RAD51B: variants seen among roughly 807,000 people sequenced by gnomAD.
RAD51B encodes the protein DNA repair protein RAD51 homolog 2.
In RAD51B, 38 loss-of-function variants were observed where a neutral mutation model predicts 42.2. The observed-to-expected ratio is 0.90, with a 90% CI of 0.70 to 1.18. The LOEUF is 1.18. Among genes scored for constraint, RAD51B ranks in the 50% most tolerant of loss-of-function variants. The pLI is 0.00. For synonymous variants in RAD51B, 154 were observed against 145.2 expected, an observed-to-expected ratio of 1.06 and a Z score of -0.43; for missense variants, 373 against 400.7, an observed-to-expected ratio of 0.93 and a Z score of 0.59.
intron 8 of RAD51B, among the ~76,000 whole-genome samples, chr14:68,362,750 G>A (rs1435964241): frequency 6.6e-6 from 1 of 152,138 alleles, no homozygotes; most frequent in African/African-American, 2.4e-5. Context: ...TCAGGAGGCT[G>A]AGGCAAGAGA....
chr14:67,951,248 G>C (rs988068655), intron 7 of RAD51B, among the ~76,000 whole-genome samples: 1 of 152,130 alleles, frequency 6.6e-6, no homozygotes, highest in Non-Finnish European at 1.5e-5. Flanking sequence ...GTTGGTGCCT[G>C]TAGTTTTGTA....
intron 7 of RAD51B, among the ~76,000 whole-genome samples, chr14:67,943,352 T>A (rs1408849269): frequency 6.6e-6 from 1 of 152,180 alleles, no homozygotes; most frequent in Non-Finnish European, 1.5e-5. Context: ...TCCCTAAATA[T>A]ACACTTAGGG....
At chr14:68,625,156 AG>A (rs1231690801) in intron 10 of RAD51B, among the ~76,000 whole-genome samples, 2 of 152,172 alleles carry the variant, frequency 1.3e-5, no homozygotes, top group Non-Finnish European at 2.9e-5. Context: ...TGGGAATTCC[AG>A]GTCTTTCACA....
intron 7 of RAD51B, among the ~76,000 whole-genome samples, chr14:68,087,870 T>TA (rs2077011894): frequency 2.5e-5 from 2 of 81,318 alleles, no homozygotes; most frequent in African/African-American, 1.4e-4. Flanking sequence ...TTATATAATA[T>TA]ATTATTTATA....
intron 9 of RAD51B, among the ~76,000 whole-genome samples, chr14:68,455,558 A>C (rs555378233): frequency 6.6e-6 from 1 of 152,090 alleles, no homozygotes; most frequent in South Asian, 2.1e-4. Context: ...TCTACTAAAA[A>C]TACAAAAAAA....
intron 7 of RAD51B, among the ~76,000 whole-genome samples, chr14:68,214,013 A>G (rs778181925): frequency 6.6e-6 from 1 of 152,190 alleles, no homozygotes; most frequent in East Asian, 1.9e-4. Context: ...CAGTAAAACC[A>G]TATTAGAGAA....
intron 10 of RAD51B, among the ~76,000 whole-genome samples, chr14:68,534,726 T>C (rs1887511493): frequency 6.6e-6 from 1 of 152,136 alleles, no homozygotes; most frequent in Admixed American, 6.5e-5. Context: ...CAACATACCT[T>C]ATCATCTGTC....
chr14:68,298,792 C>T (rs377485382), intron 8 of RAD51B, among the ~76,000 whole-genome samples: 1 of 152,152 alleles, frequency 6.6e-6, no homozygotes, highest in African/African-American at 2.4e-5. Flanking sequence ...TCCATCACTG[C>T]AGAGAATGCT....
At chr14:68,518,433 C>A in intron 10 of RAD51B, among the ~76,000 whole-genome samples, 1 of 152,166 alleles carries the variant, frequency 6.6e-6, no homozygotes, top group Non-Finnish European at 1.5e-5. Context: ...AACTGGAGAT[C>A]TTTCCACATC....
intron 7 of RAD51B, among the ~76,000 whole-genome samples, chr14:67,978,771 A>G (rs771070664): frequency 2.6e-5 from 4 of 152,248 alleles, no homozygotes; most frequent in Non-Finnish European, 4.4e-5. Context: ...AGTCTTGAAC[A>G]CTCAAATAAA....
At chr14:67,980,660 A>G (rs2075075287) in intron 7 of RAD51B, among the ~76,000 whole-genome samples, 1 of 152,236 alleles carries the variant, frequency 6.6e-6, no homozygotes, top group Admixed American at 6.5e-5. Context: ...CAAACTTTTT[A>G]ACAGATGGTG....
chr14:67,987,329 C>T (rs1166666552), intron 7 of RAD51B, among the ~76,000 whole-genome samples: 5 of 152,124 alleles, frequency 3.3e-5, no homozygotes, highest in Non-Finnish European at 5.9e-5. Context: ...TTCCACCTCC[C>T]GCTAAGTCCC....
intron 10 of RAD51B, among the ~76,000 whole-genome samples, chr14:68,475,659 T>G (rs185034226): frequency 1.7e-3 from 253 of 152,298 alleles, no homozygotes; most frequent in Non-Finnish European, 2.6e-3. Context: ...ACACTTTTTT[T>G]TTTCCAAAAT....
intron 7 of RAD51B, among the ~76,000 whole-genome samples, chr14:68,234,258 G>A (rs529586204): frequency 6.6e-6 from 1 of 152,306 alleles, no homozygotes; most frequent in East Asian, 1.9e-4. Context: ...CAGCCTTGGG[G>A]AATGATGAGG....
chr14:68,606,601 A>G (rs1001922980), intron 10 of RAD51B, among the ~76,000 whole-genome samples: 4 of 152,182 alleles, frequency 2.6e-5, no homozygotes, highest in Non-Finnish European at 5.9e-5. Flanking sequence ...GGTCCTTGAC[A>G]CACCATTGGG....
chr14:68,339,782 A>G (rs1326663795), intron 8 of RAD51B, among the ~76,000 whole-genome samples: 2 of 152,254 alleles, frequency 1.3e-5, no homozygotes, highest in Non-Finnish European at 2.9e-5. Context: ...TGAGAAAATT[A>G]GAGAATTGGG....
chr14:68,330,996 A>G (rs1332003269), intron 8 of RAD51B, among the ~76,000 whole-genome samples: 3 of 152,198 alleles, frequency 2.0e-5, no homozygotes, highest in Non-Finnish European at 2.9e-5. Flanking sequence ...ACCAAGACTC[A>G]GAAAACTATA....
At position 68,538,954 on chromosome 14, in the gene RAD51B, T is replaced by C. The variant is rs529236827; in HGVS notation, c.1037-55531T>C. 2.0e-5 allele frequency among the ~76,000 whole-genome samples: 3 copies of C among 152,358 alleles called. No individual in the cohort carries two copies. In the East Asian group the frequency reaches 5.8e-4, roughly 29 times the overall value. On this transcript the variant is annotated intron_variant, in intron 10 of 10. Transcript: ENST00000487270. ...CTTCTTTAGATATGTCCTTTCTGTA[T>C]AAAGCCACCATGCCATCACATTTAA...
chr14:68,610,511 C>T (rs978724980), intron 10 of RAD51B, among the ~76,000 whole-genome samples: 3 of 152,226 alleles, frequency 2.0e-5, no homozygotes, highest in African/African-American at 7.2e-5. Flanking sequence ...CCTCCCTGTC[C>T]TCCCGTACAA....
Sources: allele counts gnomAD v4.1 joint callset (sites outside exome capture counted in the v4.1 genomes callset), GRCh38; gene constraint gnomAD v4.1.1; transcripts MANE v1.5; gene names NCBI Gene and HGNC (gene_info 2026-07-23, HGNC 2026-07-21).